RNF180: variants seen among roughly 807,000 people sequenced by gnomAD.
RNF180 encodes the protein E3 ubiquitin-protein ligase RNF180.
A neutral mutation model predicts 59.2 loss-of-function variants in RNF180; 38 were observed. The ratio of observed to expected loss-of-function variants is 0.64; its 90% CI spans 0.50 to 0.84. The LOEUF (loss-of-function observed/expected upper bound fraction) is 0.84. Ranked by LOEUF, RNF180 falls within the 40% of genes least tolerant of loss-of-function variation. RNF180 has a pLI of 0.00. For missense variants in RNF180, 705 were observed against 700.9 expected (o/e 1.01, Z -0.07); for synonymous variants, 262 against 240.3 (o/e 1.09, Z -0.84).
chr5:64,326,139 A>G (rs1312463346), intron 6 of RNF180, among the ~76,000 whole-genome samples: 1 of 152,122 alleles, frequency 6.6e-6, no homozygotes, highest in African/African-American at 2.4e-5. Context: ...TAATAGTAAA[A>G]CTGAAGAGAA....
At chr5:64,307,000 T>A (rs932893028) in intron 5 of RNF180, among the ~76,000 whole-genome samples, 3 of 147,442 alleles carry the variant, frequency 2.0e-5, no homozygotes, top group Non-Finnish European at 3.0e-5. Flanking sequence ...AATAAAAAAA[T>A]AAAAATAAAA....
intron 1 of RNF180, among the ~76,000 whole-genome samples, chr5:64,196,858 A>G (rs1268895887): frequency 6.6e-6 from 1 of 152,084 alleles, no homozygotes; most frequent in African/African-American, 2.4e-5. Flanking sequence ...AAGATTGGTA[A>G]AATTTGGCAG....
At chr5:64,335,351 T>C (rs187419319) in intron 7 of RNF180, among the ~76,000 whole-genome samples, 3 of 152,100 alleles carry the variant, frequency 2.0e-5, no homozygotes, top group Admixed American at 2.0e-4. Context: ...ATCTTTCTGG[T>C]GTGTACTTGC....
At chr5:64,170,866 T>C (rs1349530866) in intron 1 of RNF180, among the ~76,000 whole-genome samples, 1 of 152,178 alleles carries the variant, frequency 6.6e-6, no homozygotes, top group Admixed American at 6.5e-5. Context: ...AAGAGCAGTC[T>C]TTCTTTGAAG....
chr5:64,364,388 A>G lies in RNF180; in HGVS notation c.1580-5227A>G, dbSNP rs181147040. On this transcript the variant is annotated intron_variant, in intron 7 of 7. Transcript: ENST00000389100. ...ACAAATCACATTTATTGATCCACAT[A>G]CATTGAACTACACTTGAATCCCAGG... 2.0e-5 allele frequency among the ~76,000 whole-genome samples: 3 copies of G among 151,974 alleles called. No homozygotes were observed. The East Asian group carries it at 5.8e-4, about 29-fold the overall frequency.
intron 7 of RNF180, among the ~76,000 whole-genome samples, chr5:64,336,078 G>A (rs979573196): frequency 1.3e-5 from 2 of 151,918 alleles, no homozygotes; most frequent in African/African-American, 4.8e-5. Flanking sequence ...TTAATTTATG[G>A]CATACCATCA....
intron 1 of RNF180, among the ~76,000 whole-genome samples, chr5:64,166,744 A>G (rs900214540): frequency 1.3e-5 from 2 of 152,212 alleles, no homozygotes; most frequent in African/African-American, 4.8e-5. Flanking sequence ...TAGACCAGAC[A>G]GCTGAGGCAC....
At chr5:64,356,712 A>C (rs1232408619) in intron 7 of RNF180, among the ~76,000 whole-genome samples, 1 of 151,872 alleles carries the variant, frequency 6.6e-6, no homozygotes, top group Non-Finnish European at 1.5e-5. Context: ...AATATGGATG[A>C]ACCTTGAAGA....
intron 1 of RNF180, among the ~76,000 whole-genome samples, chr5:64,191,982 G>T (rs894821672): frequency 3.9e-5 from 6 of 152,006 alleles, no homozygotes; most frequent in African/African-American, 1.5e-4. Flanking sequence ...GTGTAAGATA[G>T]GGGTCCAATT....
chr5:64,306,161 A>C (rs1743440089), intron 5 of RNF180, among the ~76,000 whole-genome samples: 1 of 151,726 alleles, frequency 6.6e-6, no homozygotes, highest in Non-Finnish European at 1.5e-5. Context: ...CTAAATAAAA[A>C]GGTAGATTTC....
intron 5 of RNF180, among the ~76,000 whole-genome samples, chr5:64,219,353 C>T (rs1752791615): frequency 1.4e-5 from 2 of 144,542 alleles, no homozygotes; most frequent in Admixed American, 1.4e-4. Context: ...TACTATTTGC[C>T]AATCATTTTT....
chr5:64,297,983 A>C (rs1742972300), intron 5 of RNF180, among the ~76,000 whole-genome samples: 2 of 151,988 alleles, frequency 1.3e-5, no homozygotes, highest in Admixed American at 1.3e-4. Flanking sequence ...TTTGTTATAC[A>C]GATTATTTCA....
Position 64,180,422 on chromosome 5 carries a change from T to A in RNF180, c.-1+14469T>A, listed in dbSNP as rs571990244. On this transcript the variant is annotated intron_variant, in intron 1 of 7. Transcript: ENST00000389100. Reference sequence around the variant, plus strand: ...AAATTTGTGTAAAATTATGAATTTTTAAAAAATTATGTGAAGACTCCTTCT... The same window carrying A: ...AAATTTGTGTAAAATTATGAATTTTAAAAAAATTATGTGAAGACTCCTTCT... Among the ~76,000 whole-genome samples, 87 of 152,324 alleles carry A rather than the reference T, an allele frequency of 5.7e-4. 1 individual carries two copies. The highest frequency in any genetic ancestry group is 2.0e-3 in the African/African-American group (85 of 41,580).
Position 64,217,387 on chromosome 5 carries a change from G to A in RNF180, c.1218G>A (p.Leu406=), listed in dbSNP as rs1017974709. The A allele has an allele frequency of 1.4e-6, 2 of 1,418,536 alleles. No individual in the cohort carries two copies. Among genetic ancestry groups the A allele is most frequent in the Non-Finnish European group, 1.9e-6 (2 of 1,080,964 alleles). The allele number at this position is 1,418,536 out of a possible 1,614,324, so 87.9% of individuals were successfully genotyped here. A position where few individuals can be genotyped will look rare whatever the true frequency, so the allele number is the denominator to read the frequency against. ...KQGKYSGVGL[L]DHMTLNNEMS... is the part of the protein sequence containing the mutation. ...GTAAATACTCAGGAGTGGGATTGCT[G>A]GATCATATGGTAAGTATATATTTAC... Residue 406 remains leucine, a synonymous_variant, in exon 5 of 8, where the codon CTG becomes CTA. Transcript: ENST00000389100.
intron 2 of RNF180, among the ~76,000 whole-genome samples, chr5:64,203,949 A>G (rs1343641367): frequency 6.6e-6 from 1 of 152,184 alleles, no homozygotes; most frequent in African/African-American, 2.4e-5. Context: ...TAGAACCCCA[A>G]AGTAATTTTA....
chr5:64,350,610 T>A (rs1402210393), intron 7 of RNF180, among the ~76,000 whole-genome samples: 2 of 152,200 alleles, frequency 1.3e-5, no homozygotes, highest in Non-Finnish European at 1.5e-5. Context: ...GGGATCCAGT[T>A]TCAGCTTTCT....
intron 7 of RNF180, among the ~76,000 whole-genome samples, chr5:64,355,457 G>T (rs1471302093): frequency 6.6e-6 from 1 of 151,926 alleles, no homozygotes; most frequent in Non-Finnish European, 1.5e-5. Flanking sequence ...TGCATTAGAA[G>T]ATTTAATACT....
intron 5 of RNF180, among the ~76,000 whole-genome samples, chr5:64,307,067 G>T (rs895173196): frequency 2.0e-5 from 3 of 151,084 alleles, no homozygotes; most frequent in African/African-American, 7.3e-5. Flanking sequence ...CCAAATTATT[G>T]TAAAAAGCTT....
rs375110988 is a variant in RNF180 at position 64,242,106 on chromosome 5, C to T, written c.1227+24710C>T. Among the ~76,000 whole-genome samples, 50 of 152,304 alleles carry T rather than the reference C, an allele frequency of 3.3e-4. No individual in the cohort carries two copies. In the South Asian group the frequency reaches 0.01, roughly 31 times the overall value. On this transcript the variant is annotated intron_variant, in intron 5 of 7. Transcript: ENST00000389100. ...GAGGCCCCAGCCTTCTGACACAATC[C>T]AGTGCTATGCTGTTTACATCTGTCC... is the stretch of plus-strand genomic sequence containing the variant.
Sources: gnomAD v4.1 joint callset for allele counts (sites outside exome capture counted in the v4.1 genomes callset) on GRCh38, gnomAD v4.1.1 for gene constraint, MANE v1.5 for transcripts, NCBI Gene and HGNC (gene_info 2026-07-23, HGNC 2026-07-21) for gene names.